Variants in UPRT observed in about 807,000 individuals in gnomAD.
The protein encoded by UPRT is RP11-311P8.3.
A neutral mutation model predicts 22.6 loss-of-function variants in UPRT; 5 were observed. The ratio of observed to expected loss-of-function variants is 0.22; its 90% CI spans 0.12 to 0.47. UPRT has a LOEUF of 0.47. Ranked by LOEUF, UPRT falls within the 20% of genes least tolerant of loss-of-function variation. The probability of loss-of-function intolerance (pLI) is 0.99; values close to 1 mark genes in which losing one functional copy is unlikely to be tolerated. For missense variants in UPRT, 181 were observed against 239.9 expected, an observed-to-expected ratio of 0.75 and a Z score of 1.62; for synonymous variants, 77 against 87.7, an observed-to-expected ratio of 0.88 and a Z score of 0.68.
rs2082531243 is a variant in UPRT, at chrX:75,251,828, TAACC to T, written c.-446-39193_-446-39190del. Among the ~76,000 whole-genome samples, 3 of 111,376 alleles carry T rather than the reference TAACC, an allele frequency of 2.7e-5. No homozygotes were observed. In the South Asian group the frequency reaches 1.1e-3, roughly 42 times the overall value. On this transcript the variant is annotated intron_variant, in intron 4 of 13. Coordinates refer to the UPRT transcript ENST00000652605. ...TTCAAACTATACTACAAGGCTACAG[TAACC>T]AAAACAGCATGGTACTGGTACCAAA... is the stretch of plus-strand genomic sequence containing the variant.
At chrX:75,263,775 G>A (rs2082577106) in intron 4 of UPRT, among the ~76,000 whole-genome samples, 1 of 110,379 alleles carries the variant, frequency 9.1e-6, no homozygotes, top group Non-Finnish European at 1.9e-5. Context: ...GAATGTGTTT[G>A]CTCTTGCTTC....
chrX:75,208,498 A>G (rs766367691), intron 4 of UPRT, among the ~76,000 whole-genome samples: 1 of 111,738 alleles, frequency 8.9e-6, no homozygotes, highest in African/African-American at 3.2e-5. Flanking sequence ...ATTTAAGGGA[A>G]TAGTGAAAAA....
At chrX:75,291,871 T>C (rs1213295298) in intron 1 of UPRT, among the ~76,000 whole-genome samples, 1 of 111,198 alleles carries the variant, frequency 9.0e-6, no homozygotes, top group Non-Finnish European at 1.9e-5. Context: ...TTTTGGAATA[T>C]AGAGAAAGCA....
At chrX:75,239,734 C>A (rs1021549918) in intron 4 of UPRT, among the ~76,000 whole-genome samples, 2 of 111,162 alleles carry the variant, frequency 1.8e-5, no homozygotes, top group African/African-American at 3.3e-5. Flanking sequence ...AACACGATAC[C>A]ACAAAGATAA....
At chrX:75,167,411 C>T (rs757401441) in intron 3 of UPRT, among the ~76,000 whole-genome samples, 1 of 111,795 alleles carries the variant, frequency 8.9e-6, no homozygotes, top group African/African-American at 3.2e-5. Flanking sequence ...ATGAATTGTA[C>T]GACTTCAGAA....
chrX:75,264,329 A>C (rs1248884679), intron 4 of UPRT, among the ~76,000 whole-genome samples: 1 of 111,426 alleles, frequency 9.0e-6, no homozygotes, highest in Non-Finnish European at 1.9e-5. Context: ...GGAGTGTTAA[A>C]GTCTCCCATT....
At chrX:75,224,877 ACT>A (rs2082419385) in intron 4 of UPRT, among the ~76,000 whole-genome samples, 1 of 110,985 alleles carries the variant, frequency 9.0e-6, no homozygotes, top group African/African-American at 3.3e-5. Context: ...ATGCCTCTAC[ACT>A]CTGTTGCAAA....
intron 4 of UPRT, among the ~76,000 whole-genome samples, chrX:75,235,688 G>C (rs1344426544): frequency 1.8e-5 from 2 of 111,758 alleles, no homozygotes; most frequent in African/African-American, 6.5e-5. Flanking sequence ...CAGAACCAAA[G>C]ACCAAAACCA....
chrX:75,290,766 A>T (rs1418695332), intron 1 of UPRT, among the ~76,000 whole-genome samples: 1 of 110,106 alleles, frequency 9.1e-6, no homozygotes, highest in Non-Finnish European at 1.9e-5. Flanking sequence ...GGACATGAAG[A>T]TGGCAACAGT....
intron 4 of UPRT, among the ~76,000 whole-genome samples, chrX:75,252,861 C>T (rs1454823904): frequency 1.8e-5 from 2 of 111,920 alleles, no homozygotes; most frequent in Non-Finnish European, 3.8e-5. Context: ...ACTATGCAGC[C>T]ATAAAAAATG....
intron 1 of UPRT, among the ~76,000 whole-genome samples, chrX:75,157,733 A>G (rs2082186692): frequency 8.9e-6 from 1 of 112,254 alleles, no homozygotes; most frequent in African/African-American, 3.2e-5. Flanking sequence ...GTCATAAAAT[A>G]AAGGCCTCAA....
chrX:75,255,065 G>A (rs868723396), intron 4 of UPRT, among the ~76,000 whole-genome samples: 18 of 110,683 alleles, frequency 1.6e-4, no homozygotes, highest in African/African-American at 3.3e-4. Flanking sequence ...GTGAGCCACC[G>A]CGCCCGGCCA....
chrX:75,216,123 C>T (rs2082392096), intron 4 of UPRT, among the ~76,000 whole-genome samples: 1 of 111,650 alleles, frequency 9.0e-6, no homozygotes, highest in African/African-American at 3.2e-5. Flanking sequence ...CTCAATAAAA[C>T]ATTAACACAT....
At chrX:75,189,889 A>C (rs907247791) in intron 4 of UPRT, among the ~76,000 whole-genome samples, 1 of 111,812 alleles carries the variant, frequency 8.9e-6, no homozygotes, top group African/African-American at 3.3e-5. Flanking sequence ...CGTGAGATGC[A>C]TCTCCTGCAT....
At chrX:75,244,055 A>C (rs1350325837) in intron 4 of UPRT, among the ~76,000 whole-genome samples, 1 of 111,608 alleles carries the variant, frequency 9.0e-6, no homozygotes, top group African/African-American at 3.2e-5. Context: ...CTTATCATCC[A>C]ATCCAATTTA....
chrX:75,172,861 G>A (rs1351946937), intron 4 of UPRT, among the ~76,000 whole-genome samples: 3 of 111,256 alleles, frequency 2.7e-5, no homozygotes, highest in Non-Finnish European at 5.7e-5. Flanking sequence ...TAAAAGCAGC[G>A]TGGACCTAAA....
chrX:75,290,010 A>G (rs1255404289), intron 1 of UPRT, among the ~76,000 whole-genome samples: 1 of 112,303 alleles, frequency 8.9e-6, no homozygotes, highest in South Asian at 3.6e-4. Context: ...CAGAGTAAGC[A>G]GACAACCTAC....
chrX:75,209,193 A>T (rs768254175), intron 4 of UPRT, among the ~76,000 whole-genome samples: 1 of 110,788 alleles, frequency 9.0e-6, no homozygotes, highest in South Asian at 3.9e-4. Flanking sequence ...AAACCGAGTA[A>T]CTAGCCCCCA....
At chrX:75,203,584 G>T (rs1198470907) in intron 4 of UPRT, among the ~76,000 whole-genome samples, 2 of 109,934 alleles carry the variant, frequency 1.8e-5, no homozygotes, top group African/African-American at 6.6e-5. Flanking sequence ...TCCAGCGTAA[G>T]GCCTACAGAA....
Sources: allele counts gnomAD v4.1 joint callset (sites outside exome capture counted in the v4.1 genomes callset), GRCh38; gene constraint gnomAD v4.1.1; transcripts MANE v1.5; gene names NCBI Gene and HGNC (gene_info 2026-07-23, HGNC 2026-07-21).